CLOCK: variants seen among roughly 807,000 people sequenced by gnomAD.
CLOCK encodes clock circadian regulator.
In CLOCK, 43 loss-of-function variants were observed where a neutral mutation model predicts 118.4. The ratio of observed to expected loss-of-function variants is 0.36; its 90% CI spans 0.28 to 0.47. CLOCK has a LOEUF of 0.47. Ranked by LOEUF, CLOCK falls within the 20% of genes least tolerant of loss-of-function variation. The pLI, the probability that CLOCK is intolerant of heterozygous loss-of-function variation, is 1.00. For missense variants in CLOCK, 846 were observed against 999.9 expected (o/e 0.85, Z 2.08); for synonymous variants, 326 against 339.2 (o/e 0.96, Z 0.43).
intron 6 of CLOCK, among the ~76,000 whole-genome samples, chr4:55,477,093 A>G (rs958771827): frequency 4.6e-5 from 7 of 152,138 alleles, no homozygotes; most frequent in Non-Finnish European, 8.8e-5. Flanking sequence ...AAGGATTTAA[A>G]TCCACAAACA....
At position 55,456,080 on chromosome 4, in the gene CLOCK, G is replaced by T. The variant is rs556366616; in HGVS notation, c.876-77C>A. On this transcript the variant is annotated intron_variant, in intron 12 of 22. Transcript: ENST00000513440. The stretch of plus-strand genomic sequence containing the variant: ...TATTTCAACTAGAAATAAACTTTGG[G>T]GGGGGGGCTTTATTTTTCAAAAAAT... 978 of 1,275,492 alleles carry T rather than the reference G, an allele frequency of 7.7e-4. 7 individuals are homozygous for T. In the African/African-American group the frequency reaches 0.012, roughly 16 times the overall value. 79.0% of individuals were successfully genotyped at this position (1,275,492 alleles called of 1,614,324 possible). A position where few individuals can be genotyped will look rare whatever the true frequency, so the allele number is the denominator to read the frequency against.
At chr4:55,455,452 T>C (rs1724856638) in intron 13 of CLOCK, among the ~76,000 whole-genome samples, 1 of 152,190 alleles carries the variant, frequency 6.6e-6, no homozygotes, top group Admixed American at 6.5e-5. Flanking sequence ...ATGATAATGC[T>C]CCTGCTCTAA....
intron 1 of CLOCK, among the ~76,000 whole-genome samples, chr4:55,512,872 AT>A (rs1335593665): frequency 6.6e-6 from 1 of 152,320 alleles, no homozygotes; most frequent in East Asian, 1.9e-4. Flanking sequence ...CTATGCAATC[AT>A]GAATTGCATT....
At chr4:55,543,639 T>C (rs1020058591) in intron 1 of CLOCK, among the ~76,000 whole-genome samples, 3 of 139,926 alleles carry the variant, frequency 2.1e-5, no homozygotes, top group Admixed American at 1.4e-4. Flanking sequence ...AATTTACTTC[T>C]GTAATTTTAA....
intron 2 of CLOCK, among the ~76,000 whole-genome samples, 197 bp downstream of exon 2, chr4:55,509,715 G>T (rs62305271): frequency 0.25 from 37,492 of 152,048 alleles, 4,958 homozygotes; most frequent in South Asian, 0.37. Flanking sequence ...TTTACATCTG[G>T]ATTTCAATTA....
intron 5 of CLOCK, 99 bp from the exon 6 acceptor site, chr4:55,479,062 A>G (rs769792624): frequency 1.2e-4 from 121 of 977,988 alleles, no homozygotes; most frequent in Non-Finnish European, 1.5e-4. Flanking sequence ...ATGTACTTCT[A>G]TCAACATAGA....
chr4:55,455,728 T>C (rs867183057), intron 13 of CLOCK, among the ~76,000 whole-genome samples, 169 bp downstream of exon 13: 1 of 152,224 alleles, frequency 6.6e-6, no homozygotes, highest in Non-Finnish European at 1.5e-5. Context: ...AAGTTTAAAC[T>C]TGATCTATGA....
rs1162851988 is a variant in CLOCK, at chr4:55,435,085, T to C, written c.*330A>G. ...GAACCACTAAAAGTTACTAACATCATTAGTGCCTTTCTGATTCCCTGGAGG... is the reference window on the plus strand; with the variant it reads ...GAACCACTAAAAGTTACTAACATCACTAGTGCCTTTCTGATTCCCTGGAGG... On this transcript the variant is annotated 3_prime_UTR_variant, in exon 23 of 23. Transcript: ENST00000513440. 1 of 355,860 alleles carries C rather than the reference T, an allele frequency of 2.8e-6. No homozygotes were observed. Among genetic ancestry groups the C allele is most frequent in the Non-Finnish European group, 5.5e-6 (1 of 182,706 alleles). The allele number at this position is 355,860 out of a possible 1,614,324, so 22.0% of individuals were successfully genotyped here. A position where few individuals can be genotyped will look rare whatever the true frequency, so the allele number is the denominator to read the frequency against.
intron 9 of CLOCK, among the ~76,000 whole-genome samples, chr4:55,460,821 C>G (rs1442714942): frequency 6.6e-6 from 1 of 152,146 alleles, no homozygotes; most frequent in Non-Finnish European, 1.5e-5. Context: ...AAAAATCTAT[C>G]TATCTTCAAC....
chr4:55,463,847 C>A, intron 8 of CLOCK, 42 bp from the exon 9 acceptor site: 1 of 1,570,606 alleles, frequency 6.4e-7, no homozygotes, highest in South Asian at 1.1e-5. Flanking sequence ...TTCAATGATT[C>A]AAGAGACAAT....
In CLOCK at chr4:55,463,774, A is replaced by C; in HGVS notation, c.470T>G (p.Phe157Cys). ...SDLVDQSIFN[F>C]IPEGEHSEVY... is the part of the protein sequence containing the mutation. ...CTCTGAATGTTCCCCTTCTGGGATA[A>C]AATTAAATATACTTTGATCCACAAG... The change falls in exon 9 of 23, where the codon TTT becomes TGT. Residue 157 changes from phenylalanine to cysteine, a missense_variant. By Grantham distance (205) the Phe-to-Cys change is radical. Transcript: ENST00000513440. The C allele has an allele frequency of 6.2e-7, 1 of 1,611,760 alleles. No individual in the cohort carries two copies. The highest frequency in any genetic ancestry group is 8.5e-7 in the Non-Finnish European group (1 of 1,178,410).
At chr4:55,518,965 C>T (rs896860464) in intron 1 of CLOCK, among the ~76,000 whole-genome samples, 1 of 152,134 alleles carries the variant, frequency 6.6e-6, no homozygotes, top group Non-Finnish European at 1.5e-5. Context: ...ATATTCTGCC[C>T]CCCACCCAAT....
intron 5 of CLOCK, 28 bp from the exon 6 acceptor site, chr4:55,478,991 T>A: frequency 2.0e-6 from 3 of 1,536,402 alleles, no homozygotes; most frequent in African/African-American, 1.4e-5. Flanking sequence ...ATGCATTTTT[T>A]AAACAATCCA....
At chr4:55,445,351 C>T (rs1156767664) in intron 18 of CLOCK, among the ~76,000 whole-genome samples, 1 of 152,058 alleles carries the variant, frequency 6.6e-6, no homozygotes, top group East Asian at 1.9e-4. Flanking sequence ...TACCAGTACC[C>T]CAGCTGATGG....
chr4:55,444,575 T>C, intron 19 of CLOCK, 58 bp downstream of exon 19: 1 of 1,608,554 alleles, frequency 6.2e-7, no homozygotes, highest in Non-Finnish European at 8.5e-7. Flanking sequence ...AAGTTAATTT[T>C]CCTAGAAATC....
At chr4:55,516,780 T>C (rs1376728937) in intron 1 of CLOCK, among the ~76,000 whole-genome samples, 2 of 152,262 alleles carry the variant, frequency 1.3e-5, no homozygotes, top group Non-Finnish European at 2.9e-5. Context: ...TCCAGTCTTT[T>C]TCTGCCTGTT....
At chr4:55,520,557 A>G (rs534572148) in intron 1 of CLOCK, among the ~76,000 whole-genome samples, 5 of 152,224 alleles carry the variant, frequency 3.3e-5, no homozygotes, top group Non-Finnish European at 7.3e-5. Flanking sequence ...CTTCAAATTT[A>G]TATTAATTTT....
rs888084834 is a variant in CLOCK at position 55,428,606 on chromosome 4, G to A, written c.*6809C>T. The A allele has an allele frequency of 3.3e-5, 5 of 152,026 alleles. No homozygotes were observed. The highest frequency in any genetic ancestry group is 4.2e-4 in the South Asian group (2 of 4,806). 9.4% of individuals were successfully genotyped at this position (152,026 alleles called of 1,614,324 possible). On this transcript the variant is annotated 3_prime_UTR_variant, in exon 23 of 23. Coordinates refer to ENST00000513440, the MANE Select transcript of CLOCK (RefSeq NM_004898.4). ...TCAATTAGCCGTTTTTAGCTCCACC[G>A]TTTTGGAAGTAAAAATGATGAGCTA...
chr4:55,529,254 G>A (rs1239976200), intron 1 of CLOCK, among the ~76,000 whole-genome samples: 1 of 152,138 alleles, frequency 6.6e-6, no homozygotes, highest in African/African-American at 2.4e-5. Context: ...GAACTCCTGA[G>A]CTCAAGTGAT....
Sources: allele counts gnomAD v4.1 joint callset (sites outside exome capture counted in the v4.1 genomes callset), GRCh38; gene constraint gnomAD v4.1.1; transcripts MANE v1.5; gene names NCBI Gene and HGNC (gene_info 2026-07-23, HGNC 2026-07-21).